Variants in SLC38A7 observed in about 807,000 individuals in gnomAD.
SLC38A7 encodes the protein sodium-coupled neutral amino acid transporter 7.
A neutral mutation model predicts 50.1 loss-of-function variants in SLC38A7; 29 were observed. That is an observed-to-expected ratio of 0.58 (90% CI 0.43 to 0.79). SLC38A7 has a LOEUF of 0.79. Ranked by LOEUF, SLC38A7 falls within the 30% of genes least tolerant of loss-of-function variation. The pLI is 0.00. For synonymous variants in SLC38A7, 244 were observed against 245.9 expected, an observed-to-expected ratio of 0.99 and a Z score of 0.07; for missense variants, 483 against 610.6, an observed-to-expected ratio of 0.79 and a Z score of 2.20.
chr16:58,676,958 C>G (rs180980754), intron 6 of SLC38A7, among the ~76,000 whole-genome samples: 13 of 151,926 alleles, frequency 8.6e-5, no homozygotes, highest in Admixed American at 4.6e-4. Context: ...CTGGCCCCCC[C>G]CCTTTTTTTT....
chr16:58,675,751 G>A (rs1320366884), intron 8 of SLC38A7, among the ~76,000 whole-genome samples, 189 bp downstream of exon 8: 1 of 152,164 alleles, frequency 6.6e-6, no homozygotes, highest in Non-Finnish European at 1.5e-5. Flanking sequence ...ACTGGTGAAT[G>A]AATGGATGAA....
intron 2 of SLC38A7, among the ~76,000 whole-genome samples, chr16:58,682,261 A>G (rs1015224293): frequency 6.6e-6 from 1 of 152,080 alleles, no homozygotes. Context: ...GAGCAGGAAG[A>G]AGGCCAGATT....
intron 11 of SLC38A7, among the ~76,000 whole-genome samples, chr16:58,668,672 G>A (rs1248623386): frequency 1.1e-4 from 13 of 119,828 alleles, no homozygotes; most frequent in African/African-American, 1.7e-4. Flanking sequence ...CAGAGATCGC[G>A]CCATTGCACT....
intron 11 of SLC38A7, among the ~76,000 whole-genome samples, chr16:58,668,922 A>T (rs1267637813): frequency 6.7e-6 from 1 of 148,782 alleles, no homozygotes; most frequent in East Asian, 2.1e-4. Context: ...GGCATGCGCC[A>T]CCACAACCAG....
chr16:58,668,513 G>A (rs892392883), intron 11 of SLC38A7, among the ~76,000 whole-genome samples: 1 of 151,830 alleles, frequency 6.6e-6, no homozygotes, highest in African/African-American at 2.4e-5. Context: ...CTCCAGCCTG[G>A]GTGACAGAGC....
chr16:58,676,249 T>G (rs1466869242), intron 7 of SLC38A7, 40 bp downstream of exon 7: 2 of 1,613,674 alleles, frequency 1.2e-6, no homozygotes, highest in African/African-American at 2.7e-5. Flanking sequence ...GGTGGGGTGA[T>G]CTAAGGGGAC....
intron 8 of SLC38A7, among the ~76,000 whole-genome samples, chr16:58,673,361 G>A (rs1025421610): frequency 6.6e-6 from 1 of 151,398 alleles, no homozygotes; most frequent in Non-Finnish European, 1.5e-5. Context: ...ACAGACTCCC[G>A]AGTAGCTGGG....
intron 8 of SLC38A7, among the ~76,000 whole-genome samples, chr16:58,675,555 C>T (rs2044248129): frequency 6.6e-6 from 1 of 151,942 alleles, no homozygotes; most frequent in Admixed American, 6.6e-5. Flanking sequence ...ACACACCTTC[C>T]CTATTTCACT....
At chr16:58,672,035 G>C (rs1187166556) in intron 9 of SLC38A7, 61 bp downstream of exon 9, 1 of 943,818 alleles carries the variant, frequency 1.1e-6, no homozygotes, top group African/African-American at 3.9e-5. Context: ...AAGGCCAAAG[G>C]ACCATGTTGG....
Position 58,678,241 on chromosome 16 carries a change from T to A in SLC38A7, c.611+92A>T. On this transcript the variant is annotated intron_variant, in intron 5 of 11. Coordinates refer to ENST00000219320, the MANE Select transcript of SLC38A7 (RefSeq NM_018231.3). The surrounding 1 kb of genome is among the most constrained non-coding windows in gnomAD (Gnocchi z 4.0). ...CCTACTCTTGCTCCCCAAGGTGAGG[T>A]GGCATGGAGGAGCAGGGTTCCCCAG... is the stretch of plus-strand genomic sequence containing the variant. 7.2e-7 allele frequency: 1 copy of A among 1,396,910 alleles called. No homozygotes were observed. Among genetic ancestry groups the A allele is most frequent in the Non-Finnish European group, 9.5e-7 (1 of 1,056,988 alleles). The allele number at this position is 1,396,910 out of a possible 1,614,324, so 86.5% of individuals were successfully genotyped here.
intron 8 of SLC38A7, among the ~76,000 whole-genome samples, chr16:58,674,327 A>C (rs2044221140): frequency 6.6e-6 from 1 of 151,950 alleles, no homozygotes; most frequent in African/African-American, 2.4e-5. Flanking sequence ...CCCAGTTTGG[A>C]GTGTAATGGC....
chr16:58,671,886 C>T, intron 9 of SLC38A7: 3 of 485,542 alleles, frequency 6.2e-6, no homozygotes, highest in Non-Finnish European at 7.1e-6. Flanking sequence ...GAGATTCTTA[C>T]AGGACTCACG....
Position 58,678,840 on chromosome 16 carries a change from C to G in SLC38A7, c.325G>C (p.Ala109Pro), listed in dbSNP as rs1397571863. The G allele has an allele frequency of 1.2e-6, 2 of 1,614,128 alleles. No homozygotes were observed. Among genetic ancestry groups the G allele is most frequent in the Admixed American group, 1.7e-5 (1 of 60,024 alleles). The change falls in exon 4 of 12, where the codon GCC becomes CCC. Residue 109 changes from alanine (A) to proline (P), a missense_variant. By Grantham distance (27) the Ala-to-Pro change is conservative (BLOSUM62 -1). Transcript: ENST00000219320. The surrounding 1 kb of genome is among the most constrained non-coding windows in gnomAD (Gnocchi z 4.0). ...GLVILAYCSQ[A>P]SNERTYQEVV... is the part of the protein sequence containing the mutation. ...TCCTGGTAGGTCCTCTCATTGCTGG[C>G]CTGGGAGCAGTAGGCCAGGATGACA...
At chr16:58,681,344 A>G (rs1203263827) in intron 2 of SLC38A7, 2 of 152,154 alleles carry the variant, frequency 1.3e-5, no homozygotes, top group African/African-American at 2.4e-5. Flanking sequence ...TGGGTCCAAG[A>G]TGGTACCTTG....
chr16:58,673,711 C>G (rs564253802), intron 8 of SLC38A7, among the ~76,000 whole-genome samples: 3 of 146,672 alleles, frequency 2.0e-5, no homozygotes, highest in Non-Finnish European at 4.5e-5. Context: ...GTCACTCAGG[C>G]TGGAGTGAAG....
At chr16:58,683,423 A>C (rs1230740092) in intron 2 of SLC38A7, among the ~76,000 whole-genome samples, 2 of 152,212 alleles carry the variant, frequency 1.3e-5, no homozygotes, top group Admixed American at 6.5e-5. Context: ...TCTGTTATCA[A>C]GCATGGAACC....
At position 58,679,992 on chromosome 16, in the gene SLC38A7, A is replaced by T. The variant is rs1398881428; in HGVS notation, c.135T>A (p.Gly45=). 1 of 1,611,682 alleles carries T rather than the reference A, an allele frequency of 6.2e-7. No homozygotes were observed. The highest frequency in any genetic ancestry group is 8.5e-7 in the Non-Finnish European group (1 of 1,178,952). The part of the protein sequence containing the change: ...PKSEWEASPG[G]LDRGTTSTLG... Reference sequence around the variant, plus strand: ...GTGTGGAAGTGGTGCCTCTGTCCAGACCCCCAGGAGAGGCTTCCCACTCAC... The same window carrying T: ...GTGTGGAAGTGGTGCCTCTGTCCAGTCCCCCAGGAGAGGCTTCCCACTCAC... Residue 45 remains glycine, a synonymous_variant, in exon 3 of 12, where the codon GGT becomes GGA. Coordinates refer to ENST00000219320, the MANE Select transcript of SLC38A7 (RefSeq NM_018231.3).
At chr16:58,680,313 CTTT>C in intron 2 of SLC38A7, 72 bp from the exon 3 acceptor site, 1 of 607,046 alleles carries the variant, frequency 1.6e-6, no homozygotes, top group Non-Finnish European at 2.5e-6. Context: ...GGTGTAATAA[CTTT>C]CCCAAGATCA....
intron 11 of SLC38A7, among the ~76,000 whole-genome samples, chr16:58,669,619 T>C (rs2044118998): frequency 1.3e-5 from 2 of 150,760 alleles, no homozygotes; most frequent in South Asian, 4.2e-4. Flanking sequence ...AAGCCCTTTA[T>C]TAATGTTTAA....
Sources: allele counts gnomAD v4.1 joint callset (sites outside exome capture counted in the v4.1 genomes callset), GRCh38; gene constraint gnomAD v4.1.1; non-coding constraint Gnocchi (gnomAD v3.1); transcripts MANE v1.5; gene names NCBI Gene and HGNC (gene_info 2026-07-23, HGNC 2026-07-21).